The following RABGAP1L variants were observed in gnomAD, a reference collection of about 807,000 sequenced individuals.
RABGAP1L encodes rab GTPase-activating protein 1-like.
In RABGAP1L, 63 loss-of-function variants were observed where a neutral mutation model predicts 137.7. The observed-to-expected ratio is 0.46, with a 90% confidence interval of 0.37 to 0.56. The LOEUF is 0.56. Among genes scored for constraint, RABGAP1L ranks in the 20% least tolerant of loss-of-function variants. The pLI is 0.00. For missense variants in RABGAP1L, 1,095 were observed against 1,244.0 expected (o/e 0.88, Z 1.80); for synonymous variants, 431 against 433.7 (o/e 0.99, Z 0.08).
chr1:174,201,561 CAG>C (rs1338416815), intron 1 of RABGAP1L, among the ~76,000 whole-genome samples: 2 of 152,056 alleles, frequency 1.3e-5, no homozygotes, highest in Non-Finnish European at 2.9e-5. Context: ...AGATGCTACA[CAG>C]TGTGCTAGAG....
chr1:174,699,485 G>T, intron 15 of RABGAP1L, 40 bp from the exon 16 acceptor site: 1 of 1,563,322 alleles, frequency 6.4e-7, no homozygotes, highest in African/African-American at 1.4e-5. Context: ...CTGGCAAAAT[G>T]CCACTTATTT....
At chr1:174,457,820 A>G (rs1354021307) in intron 13 of RABGAP1L, among the ~76,000 whole-genome samples, 2 of 151,960 alleles carry the variant, frequency 1.3e-5, no homozygotes, top group Non-Finnish European at 1.5e-5. Flanking sequence ...TTCTTAGACC[A>G]CTTTTTCTAG....
chr1:174,723,260 A>T (rs1355545001), intron 17 of RABGAP1L, among the ~76,000 whole-genome samples: 2 of 152,038 alleles, frequency 1.3e-5, no homozygotes, highest in East Asian at 3.9e-4. Context: ...TTTTTAGTAG[A>T]AACAGGGTTT....
intron 7 of RABGAP1L, among the ~76,000 whole-genome samples, chr1:174,269,247 C>T (rs1169903037): frequency 6.6e-6 from 1 of 152,188 alleles, no homozygotes; most frequent in Non-Finnish European, 1.5e-5. Flanking sequence ...CCACCGCGCC[C>T]GGCCAGGAGT....
chr1:174,827,212 A>G (rs1691653951), intron 19 of RABGAP1L, among the ~76,000 whole-genome samples: 2 of 152,036 alleles, frequency 1.3e-5, no homozygotes, highest in Admixed American at 1.3e-4. Flanking sequence ...AGGTGTGATT[A>G]TAGCTCACTG....
chr1:174,849,088 G>A (rs1016341584), intron 19 of RABGAP1L, among the ~76,000 whole-genome samples: 4 of 152,170 alleles, frequency 2.6e-5, no homozygotes, highest in South Asian at 2.1e-4. Flanking sequence ...GCTTCGGCTC[G>A]CGCACGGTGC....
Position 174,217,887 on chromosome 1 carries a change from T to A in RABGAP1L, c.-33-1238T>A, listed in dbSNP as rs565616071. Among the ~76,000 whole-genome samples, 12 of 152,274 alleles carry A rather than the reference T, an allele frequency of 7.9e-5. No homozygotes were observed. In the South Asian group the frequency reaches 1.7e-3, roughly 21 times the overall value. ...TTCTTTTTATTGCCAAGAGTAATGG[T>A]GTTAGTGTCACCTAATGGCAAAATG... On this transcript the variant is annotated intron_variant, in intron 1 of 25. Transcript: ENST00000681986.
At chr1:174,610,805 G>A (rs1372056551) in intron 13 of RABGAP1L, among the ~76,000 whole-genome samples, 3 of 152,178 alleles carry the variant, frequency 2.0e-5, no homozygotes, top group African/African-American at 7.2e-5. Flanking sequence ...CTGATGGCCA[G>A]TGATGATGAG....
intron 15 of RABGAP1L, among the ~76,000 whole-genome samples, chr1:174,686,710 G>A (rs1192733585): frequency 7.1e-6 from 1 of 140,950 alleles, no homozygotes; most frequent in Non-Finnish European, 1.5e-5. Context: ...AGGCTGGAGT[G>A]CAGTGGTGCA....
chr1:174,165,858 ATG>A (rs1557994526), intron 1 of RABGAP1L, among the ~76,000 whole-genome samples: 1 of 152,206 alleles, frequency 6.6e-6, no homozygotes, highest in African/African-American at 2.4e-5. Context: ...GACAACTAGT[ATG>A]AGAGAAAGGC....
chr1:174,615,978 T>C (rs528114353), intron 13 of RABGAP1L, among the ~76,000 whole-genome samples: 6 of 152,250 alleles, frequency 3.9e-5, no homozygotes, highest in Middle Eastern at 3.2e-3. Flanking sequence ...AGGTGCCGTC[T>C]GTCACCCCTT....
intron 13 of RABGAP1L, among the ~76,000 whole-genome samples, chr1:174,486,445 C>T (rs1275901120): frequency 1.3e-5 from 2 of 150,522 alleles, no homozygotes; most frequent in Non-Finnish European, 3.0e-5. Context: ...CTCCTGGGTT[C>T]GTGCCATTCT....
intron 13 of RABGAP1L, among the ~76,000 whole-genome samples, chr1:174,482,163 A>G (rs1659163058): frequency 1.3e-5 from 2 of 152,194 alleles, no homozygotes; most frequent in South Asian, 4.1e-4. Context: ...AAACCTTTAA[A>G]AACTAGGAAA....
chr1:174,790,232 A>G (rs1359316305), intron 18 of RABGAP1L, among the ~76,000 whole-genome samples: 1 of 152,040 alleles, frequency 6.6e-6, no homozygotes, highest in East Asian at 1.9e-4. Context: ...GAGAATACGT[A>G]ACAAAGAAGT....
At chr1:174,490,461 G>T (rs1360917369) in intron 13 of RABGAP1L, among the ~76,000 whole-genome samples, 1 of 152,104 alleles carries the variant, frequency 6.6e-6, no homozygotes, top group African/African-American at 2.4e-5. Flanking sequence ...GAGCTGCCTG[G>T]AGCTGTGGGT....
chr1:174,341,056 T>A (rs1681931078), intron 11 of RABGAP1L, among the ~76,000 whole-genome samples: 1 of 152,208 alleles, frequency 6.6e-6, no homozygotes, highest in South Asian at 2.1e-4. Context: ...GCTGCATGAA[T>A]GTCTTCTTTT....
At chr1:174,527,014 T>C (rs1175844669) in intron 13 of RABGAP1L, among the ~76,000 whole-genome samples, 1 of 152,120 alleles carries the variant, frequency 6.6e-6, no homozygotes, top group East Asian at 1.9e-4. Context: ...CACATCTTGG[T>C]ATGTTGTTTT....
chr1:174,656,312 T>C (rs533120516), intron 14 of RABGAP1L, among the ~76,000 whole-genome samples: 12 of 152,104 alleles, frequency 7.9e-5, no homozygotes, highest in African/African-American at 2.9e-4. Context: ...ACAAAAATTA[T>C]CCAGGCATAG....
intron 11 of RABGAP1L, among the ~76,000 whole-genome samples, chr1:174,359,276 A>G (rs1683933776): frequency 6.6e-6 from 1 of 150,654 alleles, no homozygotes; most frequent in African/African-American, 2.4e-5. Context: ...TAGTTTATTC[A>G]TCCTATCTAG....
Sources: allele counts gnomAD v4.1 joint callset (sites outside exome capture counted in the v4.1 genomes callset), GRCh38; gene constraint gnomAD v4.1.1; transcripts MANE v1.5; gene names NCBI Gene and HGNC (gene_info 2026-07-23, HGNC 2026-07-21).